The following VAMP7 variants were observed in gnomAD, a reference collection of about 807,000 sequenced individuals.
VAMP7 encodes vesicle-associated membrane protein 7.
A neutral mutation model predicts 29.6 loss-of-function variants in VAMP7; 14 were observed. The ratio of observed to expected loss-of-function variants is 0.47; its 90% CI spans 0.31 to 0.74. The LOEUF (loss-of-function observed/expected upper bound fraction) is 0.74. Ranked by LOEUF, VAMP7 falls within the 30% of genes least tolerant of loss-of-function variation. VAMP7 has a pLI of 0.05. For synonymous variants in VAMP7, 95 were observed against 88.1 expected, an observed-to-expected ratio of 1.08 and a Z score of -0.44; for missense variants, 223 against 262.4, an observed-to-expected ratio of 0.85 and a Z score of 1.04.
chrX:155,909,442 AT>A (rs1395856887), intron 5 of VAMP7, among the ~76,000 whole-genome samples: 1 of 151,724 alleles, frequency 6.6e-6, no homozygotes, highest in Admixed American at 6.6e-5. Context: ...GGTTTCATAG[AT>A]TTTTTTTCTA....
intron 6 of VAMP7, among the ~76,000 whole-genome samples, chrX:155,925,810 G>T (rs1327295747): frequency 6.6e-6 from 1 of 152,166 alleles, no homozygotes; most frequent in Non-Finnish European, 1.5e-5. Flanking sequence ...AGGCAGGTTG[G>T]CCATAAGCAG....
chrX:155,893,482 G>C (rs778030755), intron 2 of VAMP7, among the ~76,000 whole-genome samples: 18 of 152,264 alleles, frequency 1.2e-4, no homozygotes, highest in Non-Finnish European at 1.9e-4. Context: ...ATATAAACCA[G>C]GTATATTAGC....
At chrX:155,926,551 A>T (rs934930400) in intron 6 of VAMP7, among the ~76,000 whole-genome samples, 3 of 152,220 alleles carry the variant, frequency 2.0e-5, no homozygotes, top group Admixed American at 2.0e-4. Context: ...AGGAAATGTT[A>T]TAGCTGGTTT....
At chrX:155,895,289 G>A (rs1358113108) in intron 2 of VAMP7, among the ~76,000 whole-genome samples, 2 of 152,128 alleles carry the variant, frequency 1.3e-5, no homozygotes, top group African/African-American at 4.8e-5. Flanking sequence ...GGCCTATTGG[G>A]GGTTAATCTT....
rs369252099 is a variant in VAMP7 at position 155,941,869 on chromosome X, C to G, written c.595-14C>G. Reference sequence around the variant, plus strand: ...TGATTCAAGAAAATAAAATTGCTCTCCTCGTCCCTCCAGGTGTTCATCTAT... The same window carrying G: ...TGATTCAAGAAAATAAAATTGCTCTGCTCGTCCCTCCAGGTGTTCATCTAT... On this transcript the variant is annotated splice_polypyrimidine_tract_variant and intron_variant, in intron 7 of 7. Transcript: ENST00000286448. 44 of 1,612,254 alleles carry G rather than the reference C, an allele frequency of 2.7e-5. No homozygotes were observed. In the African/African-American group the frequency reaches 5.1e-4, roughly 19 times the overall value.
chrX:155,887,181 C>A (rs1160497806), intron 1 of VAMP7, among the ~76,000 whole-genome samples: 3 of 152,136 alleles, frequency 2.0e-5, no homozygotes, highest in African/African-American at 7.2e-5. Flanking sequence ...CTCTATTTAT[C>A]TACCTTTCCC....
At chrX:155,887,951 A>G (rs972824413) in intron 1 of VAMP7, among the ~76,000 whole-genome samples, 11 of 151,734 alleles carry the variant, frequency 7.2e-5, no homozygotes, top group African/African-American at 2.4e-4. Flanking sequence ...AAAAAAAAAA[A>G]AAGAAAAGAA....
intron 5 of VAMP7, among the ~76,000 whole-genome samples, chrX:155,902,539 T>G (rs1418080653): frequency 6.6e-6 from 1 of 150,720 alleles, no homozygotes; most frequent in Non-Finnish European, 1.5e-5. Context: ...TTGAGATACA[T>G]CCCATCAATA....
chrX:155,909,901 A>G (rs781563659), intron 5 of VAMP7, among the ~76,000 whole-genome samples: 1 of 152,276 alleles, frequency 6.6e-6, no homozygotes, highest in African/African-American at 2.4e-5. Flanking sequence ...AAGTCAGGAT[A>G]TATGGGGTGT....
chrX:155,925,347 T>C (rs2066453019), intron 6 of VAMP7, among the ~76,000 whole-genome samples: 1 of 152,192 alleles, frequency 6.6e-6, no homozygotes, highest in Admixed American at 6.5e-5. Context: ...TTTTCTTAAA[T>C]AATAAGACTT....
intron 4 of VAMP7, 130 bp downstream of exon 4, chrX:155,898,379 ACTTCCCTGATT>A: frequency 8.0e-7 from 1 of 1,252,866 alleles, no homozygotes; most frequent in Non-Finnish European, 1.1e-6. Flanking sequence ...ACATAATAAA[ACTTCCCTGATT>A]AAAAAAAAAA....
intron 6 of VAMP7, among the ~76,000 whole-genome samples, chrX:155,929,918 A>G (rs1417630715): frequency 1.3e-5 from 2 of 152,184 alleles, no homozygotes; most frequent in Non-Finnish European, 2.9e-5. Flanking sequence ...AGTTCATTAG[A>G]AGGATTTATA....
chrX:155,932,719 C>T (rs984672741), intron 6 of VAMP7, among the ~76,000 whole-genome samples: 1 of 152,036 alleles, frequency 6.6e-6, no homozygotes, highest in Non-Finnish European at 1.5e-5. Context: ...GCCTGATTGC[C>T]CTGGCCAGAA....
At chrX:155,922,373 A>AT (rs1382015617) in intron 6 of VAMP7, among the ~76,000 whole-genome samples, 1 of 152,020 alleles carries the variant, frequency 6.6e-6, no homozygotes, top group East Asian at 1.9e-4. Context: ...TTAACTGTAG[A>AT]TTTTTTGTAG....
In VAMP7 at chrX:155,907,638, T is replaced by C. The variant is rs1446961982; in HGVS notation, c.433+7051T>C. The stretch of plus-strand genomic sequence containing the variant: ...CCCAAGGCAGAAGAATTTTTCTTAG[T>C]ACAGAACAAAATGAAAAGTCTCCCA... On this transcript the variant is annotated intron_variant, in intron 5 of 7. Transcript: ENST00000286448. 3.9e-5 allele frequency among the ~76,000 whole-genome samples: 6 copies of C among 152,062 alleles called. No individual in the cohort carries two copies. In the East Asian group the frequency reaches 1.2e-3, roughly 29 times the overall value.
At chrX:155,886,160 G>T (rs1473483317) in intron 1 of VAMP7, among the ~76,000 whole-genome samples, 1 of 151,840 alleles carries the variant, frequency 6.6e-6, no homozygotes, top group Non-Finnish European at 1.5e-5. Context: ...GCACTTTATG[G>T]TTTATTAGGC....
At chrX:155,923,959 C>T (rs1177292600) in intron 6 of VAMP7, among the ~76,000 whole-genome samples, 1 of 151,986 alleles carries the variant, frequency 6.6e-6, no homozygotes, top group Admixed American at 6.6e-5. Context: ...TTATATCTTC[C>T]ATGTGTCTCC....
chrX:155,899,990 G>C lies in VAMP7; in HGVS notation c.343-507G>C, dbSNP rs377308644. 2.3e-3 allele frequency among the ~76,000 whole-genome samples: 355 copies of C among 152,078 alleles called. 1 individual carries two copies. The highest frequency in any genetic ancestry group is 8.4e-3 in the African/African-American group (348 of 41,528). On this transcript the variant is annotated intron_variant, in intron 4 of 7. Coordinates refer to ENST00000286448, the MANE Select transcript of VAMP7 (RefSeq NM_005638.6). ...CAAACTATATATTATCAGTGTCTTA[G>C]ATTCTAGATCCTGTGAGAAGCCAAT... is the stretch of plus-strand genomic sequence containing the variant.
intron 1 of VAMP7, among the ~76,000 whole-genome samples, chrX:155,881,824 TCTA>T (rs772265965): frequency 1.2e-3 from 184 of 152,282 alleles, no homozygotes; most frequent in Non-Finnish European, 9.6e-4. Flanking sequence ...TGCTTCACCT[TCTA>T]CTTCTGGCTG....
Sources: gnomAD v4.1 joint callset for allele counts (sites outside exome capture counted in the v4.1 genomes callset) on GRCh38, gnomAD v4.1.1 for gene constraint, MANE v1.5 for transcripts, NCBI Gene and HGNC (gene_info 2026-07-23, HGNC 2026-07-21) for gene names.